GAREM1: variants seen among roughly 807,000 people sequenced by gnomAD.
GAREM1 encodes GRB2-associated and regulator of MAPK protein 1.
In GAREM1, 26 loss-of-function variants were observed where a neutral mutation model predicts 71.3. The ratio of observed to expected loss-of-function variants is 0.36; its 90% confidence interval spans 0.27 to 0.51. The LOEUF is 0.51. Among genes scored for constraint, GAREM1 ranks in the 20% least tolerant of loss-of-function variants. The pLI, the probability that GAREM1 is intolerant of heterozygous loss-of-function variation, is 0.95. For missense variants in GAREM1, 1,026 were observed against 1,103.1 expected (o/e 0.93, Z 0.99); for synonymous variants, 440 against 433.2 (o/e 1.02, Z -0.20).
At chr18:32,422,463 A>T (rs1385605654) in intron 1 of GAREM1, among the ~76,000 whole-genome samples, 1 of 152,092 alleles carries the variant, frequency 6.6e-6, no homozygotes, top group African/African-American at 2.4e-5. Flanking sequence ...TGCCTTCCAC[A>T]CTAGGCTGAG....
chr18:32,377,852 C>A (rs547357383), intron 2 of GAREM1, among the ~76,000 whole-genome samples: 1 of 152,306 alleles, frequency 6.6e-6, no homozygotes, highest in African/African-American at 2.4e-5. Context: ...CGTGAGCCAC[C>A]GGGCCTGGCC....
chr18:32,351,092 T>C (rs1381868365), intron 2 of GAREM1, among the ~76,000 whole-genome samples: 1 of 152,168 alleles, frequency 6.6e-6, no homozygotes, highest in East Asian at 1.9e-4. Context: ...TTGTATGGTG[T>C]ACTGGTGTAT....
Position 32,421,709 on chromosome 18 carries a change from T to C in GAREM1, c.122-28674A>G, listed in dbSNP as rs539544264. Among the ~76,000 whole-genome samples the C allele has an allele frequency of 1.3e-3, 193 of 152,226 alleles. 1 individual carries two copies. The highest frequency in any genetic ancestry group is 4.5e-3 in the African/African-American group (185 of 41,540). ...GCTTATTCTGTTGCCTAGAAAGCCC[T>C]TCCCCCATATTACCCAAGCTAGAAA... On this transcript the variant is annotated intron_variant, in intron 1 of 5. Coordinates refer to ENST00000269209, the MANE Select transcript of GAREM1 (RefSeq NM_001242409.2).
intron 1 of GAREM1, among the ~76,000 whole-genome samples, chr18:32,458,141 T>C (rs1021583302): frequency 1.3e-5 from 2 of 152,130 alleles, no homozygotes; most frequent in Admixed American, 6.6e-5. Context: ...CTTCAGTTTA[T>C]GTATTACATG....
chr18:32,311,057 C>G (rs926502570), intron 2 of GAREM1, among the ~76,000 whole-genome samples: 1 of 152,106 alleles, frequency 6.6e-6, no homozygotes, highest in Non-Finnish European at 1.5e-5. Flanking sequence ...ATCATGGTCT[C>G]CACAATTTAC....
At chr18:32,348,513 C>T (rs560299225) in intron 2 of GAREM1, among the ~76,000 whole-genome samples, 1 of 152,004 alleles carries the variant, frequency 6.6e-6, no homozygotes, top group East Asian at 1.9e-4. Context: ...CACTTGAGGC[C>T]AGGAGTTCGA....
chr18:32,344,771 C>T (rs555756992), intron 2 of GAREM1, among the ~76,000 whole-genome samples: 22 of 152,194 alleles, frequency 1.4e-4, no homozygotes, highest in African/African-American at 5.3e-4. Context: ...TCCAATAAAA[C>T]AGTCTGTAGG....
Position 32,266,833 on chromosome 18 carries a change from C to A in GAREM1, c.*1038G>T, listed in dbSNP as rs114544577. Reference sequence around the variant, plus strand: ...CACCAGGGGAAGGAGACCCTTAAACCGGAGAATTATAATTCAACAGAAACT... The same window carrying A: ...CACCAGGGGAAGGAGACCCTTAAACAGGAGAATTATAATTCAACAGAAACT... On this transcript the variant is annotated 3_prime_UTR_variant, in exon 6 of 6. Coordinates refer to ENST00000269209, the MANE Select transcript of GAREM1 (RefSeq NM_001242409.2). 1.3e-5 allele frequency: 2 copies of A among 152,108 alleles called. No homozygotes were observed. The highest frequency in any genetic ancestry group is 4.8e-5 in the African/African-American group (2 of 41,402). 9.4% of individuals were successfully genotyped at this position (152,108 alleles called of 1,614,324 possible). A position where few individuals can be genotyped will look rare whatever the true frequency, so the allele number is the denominator to read the frequency against.
At chr18:32,352,488 A>G (rs1017882912) in intron 2 of GAREM1, among the ~76,000 whole-genome samples, 6 of 152,118 alleles carry the variant, frequency 3.9e-5, no homozygotes, top group Admixed American at 6.5e-5. Flanking sequence ...AGAGTAGCCT[A>G]TAAGAGGGCC....
intron 1 of GAREM1, among the ~76,000 whole-genome samples, chr18:32,426,315 G>A (rs982379548): frequency 3.3e-5 from 5 of 152,072 alleles, no homozygotes; most frequent in African/African-American, 7.2e-5. Flanking sequence ...CACCATGCCC[G>A]GCCTCTTTCT....
chr18:32,266,745 T>C lies in GAREM1; in HGVS notation c.*1126A>G, dbSNP rs1381372569. On this transcript the variant is annotated 3_prime_UTR_variant, in exon 6 of 6. Coordinates refer to ENST00000269209, the MANE Select transcript of GAREM1 (RefSeq NM_001242409.2). ...CTGATTTCTCAGCTCTCGTAAAGCA[T>C]GAAGTAGGTTGAGAATGCCTAATGT... 6.6e-6 allele frequency: 1 copy of C among 152,184 alleles called. No homozygotes were observed. The highest frequency in any genetic ancestry group is 1.5e-5 in the Non-Finnish European group (1 of 68,040). 9.4% of individuals were successfully genotyped at this position (152,184 alleles called of 1,614,324 possible).
At chr18:32,308,233 T>A (rs11877080) in intron 3 of GAREM1, among the ~76,000 whole-genome samples, 7,714 of 134,848 alleles carry the variant, frequency 0.057, 896 homozygotes, top group African/African-American at 0.17. Flanking sequence ...AAACACATTT[T>A]AATGAATACA....
rs142757961 is a variant in GAREM1 at position 32,396,710 on chromosome 18, G to C, written c.122-3675C>G. 7.4e-4 allele frequency among the ~76,000 whole-genome samples: 113 copies of C among 152,298 alleles called. 2 individuals carry two copies. In the East Asian group the frequency reaches 0.02, roughly 27 times the overall value. ...GTACCTGAAAGTGACAGGGAGAATGGAACCAAGGTGGAAAACACTGTGCAG... is the reference window on the plus strand; with the variant it reads ...GTACCTGAAAGTGACAGGGAGAATGCAACCAAGGTGGAAAACACTGTGCAG... On this transcript the variant is annotated intron_variant, in intron 1 of 5. Coordinates refer to ENST00000269209, the MANE Select transcript of GAREM1 (RefSeq NM_001242409.2).
intron 4 of GAREM1, among the ~76,000 whole-genome samples, chr18:32,273,036 G>C (rs1252171662): frequency 4.6e-5 from 7 of 152,182 alleles, no homozygotes; most frequent in African/African-American, 1.7e-4. Context: ...ATAGAATTTA[G>C]GGTGGATGGC....
At chr18:32,446,468 G>A (rs938434766) in intron 1 of GAREM1, among the ~76,000 whole-genome samples, 35 of 151,956 alleles carry the variant, frequency 2.3e-4, no homozygotes, top group African/African-American at 8.0e-4. Flanking sequence ...AATCTAAGAG[G>A]GCATAAGAAA....
rs994956061 is a variant in GAREM1 at position 32,344,011 on chromosome 18, T to A, written c.263-33688A>T. Among the ~76,000 whole-genome samples the A allele has an allele frequency of 3.0e-4, 46 of 152,182 alleles. 1 individual carries two copies. The highest frequency in any genetic ancestry group is 5.9e-5 in the Non-Finnish European group (4 of 68,028). On this transcript the variant is annotated intron_variant, in intron 2 of 5. Coordinates refer to ENST00000269209, the MANE Select transcript of GAREM1 (RefSeq NM_001242409.2). ...TTCAGGTCATTCCTCGCTTTGTTTT[T>A]GCCAAGGCTCAGATCTCCAGGGGCT...
chr18:32,278,991 T>C (rs1303205478), intron 4 of GAREM1, among the ~76,000 whole-genome samples: 1 of 152,188 alleles, frequency 6.6e-6, no homozygotes, highest in African/African-American at 2.4e-5. Flanking sequence ...GGCAGCCACT[T>C]ACTCAGTGGC....
chr18:32,378,813 C>T (rs558515591), intron 2 of GAREM1, among the ~76,000 whole-genome samples: 2 of 152,186 alleles, frequency 1.3e-5, no homozygotes, highest in Non-Finnish European at 1.5e-5. Flanking sequence ...CAGGGAACAA[C>T]AGAATGTACT....
chr18:32,364,015 TATATA>T (rs2047898405), intron 2 of GAREM1, among the ~76,000 whole-genome samples: 2 of 64,522 alleles, frequency 3.1e-5, no homozygotes, highest in African/African-American at 1.6e-4. Flanking sequence ...TATATATATA[TATATA>T]TATATATGTT....
Sources: allele counts gnomAD v4.1 joint callset (sites outside exome capture counted in the v4.1 genomes callset), GRCh38; gene constraint gnomAD v4.1.1; transcripts MANE v1.5; gene names NCBI Gene and HGNC (gene_info 2026-07-23, HGNC 2026-07-21).